The following TSC22D1 variants were observed in gnomAD, a reference collection of about 807,000 sequenced individuals.
TSC22D1 encodes TSC22 domain family protein 1.
TSC22D1 carries 9 observed loss-of-function variants against 74.2 expected under a neutral mutation model. The ratio of observed to expected loss-of-function variants is 0.12; its 90% confidence interval spans 0.07 to 0.21. The LOEUF (loss-of-function observed/expected upper bound fraction) is 0.21. Ranked by LOEUF, TSC22D1 falls within the 10% of genes least tolerant of loss-of-function variation. The pLI, the probability that TSC22D1 is intolerant of heterozygous loss-of-function variation, is 1.00. For synonymous variants in TSC22D1, 586 were observed against 492.5 expected, an observed-to-expected ratio of 1.19 and a Z score of -2.51; for missense variants, 1,427 against 1,304.7, an observed-to-expected ratio of 1.09 and a Z score of -1.44.
chr13:44,508,666 C>A (rs1879548109), intron 1 of TSC22D1, among the ~76,000 whole-genome samples: 1 of 152,112 alleles, frequency 6.6e-6, no homozygotes, highest in Non-Finnish European at 1.5e-5. Context: ...GCTCTATTCA[C>A]AGTATAATAG....
At chr13:44,531,245 T>C (rs1015752049) in intron 1 of TSC22D1, among the ~76,000 whole-genome samples, 1 of 152,194 alleles carries the variant, frequency 6.6e-6, no homozygotes, top group Non-Finnish European at 1.5e-5. Context: ...CACTTACTGG[T>C]CAACTATTCC....
At chr13:44,548,070 C>T (rs1472535913) in intron 1 of TSC22D1, among the ~76,000 whole-genome samples, 3 of 152,166 alleles carry the variant, frequency 2.0e-5, no homozygotes, top group African/African-American at 4.8e-5. Flanking sequence ...AACTAAAGCA[C>T]AAAGTGGTGA....
rs9595135 is a variant in TSC22D1 at position 44,485,905 on chromosome 13, G to T, written c.2913-49810C>A. ...GTAATTAGTGTTAAACTGTTGTAAG[G>T]CTTCTGTATTTTTTCAAGGGGGATG... On this transcript the variant is annotated intron_variant, in intron 1 of 2. Transcript: ENST00000458659. Among the ~76,000 whole-genome samples the T allele has an allele frequency of 1.1e-3, 172 of 151,838 alleles. 1 individual carries two copies. The highest frequency in any genetic ancestry group is 0.01 in the Middle Eastern group (3 of 294).
At chr13:44,480,568 G>A (rs1878130446) in intron 1 of TSC22D1, among the ~76,000 whole-genome samples, 2 of 152,146 alleles carry the variant, frequency 1.3e-5, no homozygotes, top group South Asian at 4.1e-4. Flanking sequence ...CAGGGTTTGG[G>A]CTTAAGGTAG....
chr13:44,567,630 A>G (rs1209121969), intron 1 of TSC22D1, among the ~76,000 whole-genome samples: 1 of 152,040 alleles, frequency 6.6e-6, no homozygotes, highest in East Asian at 1.9e-4. Context: ...TGGAATTTAA[A>G]TATGTGATAA....
At position 44,575,248 on chromosome 13, in the gene TSC22D1, G is replaced by T. The variant is rs750677064; in HGVS notation, c.827C>A (p.Pro276Gln). ...GSSDSITPVA[P>Q]TSAVSSSGSP... Reference sequence around the variant, plus strand: ...ACCACTGGATGATACAGCAGAAGTTGGTGCAACTGGTGTGATACTGTCAGA... The same window carrying T: ...ACCACTGGATGATACAGCAGAAGTTTGTGCAACTGGTGTGATACTGTCAGA... Residue 276 changes from proline to glutamine, a missense_variant, in exon 1 of 3, where the codon CCA becomes CAA. Physicochemically the swap from Pro to Gln is moderately conservative, Grantham distance 76 (BLOSUM62 -1). Coordinates refer to ENST00000458659, the MANE Select transcript of TSC22D1 (RefSeq NM_183422.4). 6.2e-7 allele frequency: 1 copy of T among 1,614,080 alleles called. No homozygotes were observed. Among genetic ancestry groups the T allele is most frequent in the East Asian group, 2.2e-5 (1 of 44,890 alleles).
intron 1 of TSC22D1, among the ~76,000 whole-genome samples, chr13:44,442,844 G>A (rs1875306133): frequency 6.7e-6 from 1 of 148,622 alleles, no homozygotes; most frequent in African/African-American, 2.5e-5. Context: ...AGGAGGCAGA[G>A]GTTGGAGTGA....
chr13:44,452,455 G>A (rs1876219367), intron 1 of TSC22D1: 1 of 152,186 alleles, frequency 6.6e-6, no homozygotes, highest in African/African-American at 2.4e-5. Flanking sequence ...CGAGGGTGAG[G>A]GCAATCATAT....
chr13:44,479,643 A>G (rs894949992), intron 1 of TSC22D1, among the ~76,000 whole-genome samples: 8 of 152,218 alleles, frequency 5.3e-5, no homozygotes, highest in African/African-American at 1.9e-4. Flanking sequence ...AGCATTCTCA[A>G]GAAGAGATAG....
At chr13:44,568,710 G>C (rs891769415) in intron 1 of TSC22D1, among the ~76,000 whole-genome samples, 1 of 152,014 alleles carries the variant, frequency 6.6e-6, no homozygotes, top group Non-Finnish European at 1.5e-5. Context: ...AGACTTACCA[G>C]ACATCTAAGG....
At position 44,544,866 on chromosome 13, in the gene TSC22D1, T is replaced by C. The variant is rs1337479473; in HGVS notation, c.2912+28297A>G. Among the ~76,000 whole-genome samples, 3 of 151,910 alleles carry C rather than the reference T, an allele frequency of 2.0e-5. No individual in the cohort carries two copies. In the East Asian group the frequency reaches 5.8e-4, roughly 29 times the overall value. ...CAAATGTGTTCATGCTCCACTGAGGTAGAAGATGAAGTAAAACAGATGAAA... is the reference window on the plus strand; with the variant it reads ...CAAATGTGTTCATGCTCCACTGAGGCAGAAGATGAAGTAAAACAGATGAAA... On this transcript the variant is annotated intron_variant, in intron 1 of 2. Transcript: ENST00000458659.
intron 1 of TSC22D1, among the ~76,000 whole-genome samples, chr13:44,491,569 A>G (rs956769947): frequency 1.1e-4 from 17 of 151,656 alleles, no homozygotes; most frequent in African/African-American, 4.1e-4. Context: ...AAAAAAAAAA[A>G]GAAAAAAGAA....
chr13:44,528,910 T>A (rs189907134), intron 1 of TSC22D1, among the ~76,000 whole-genome samples: 221 of 152,186 alleles, frequency 1.5e-3, no homozygotes, highest in African/African-American at 5.2e-3. Flanking sequence ...TTGAATAATC[T>A]ATCAAAATTC....
At chr13:44,450,830 T>C (rs1876068693) in intron 1 of TSC22D1, among the ~76,000 whole-genome samples, 1 of 152,198 alleles carries the variant, frequency 6.6e-6, no homozygotes, top group Non-Finnish European at 1.5e-5. Flanking sequence ...AGGTTAGCAG[T>C]AAGTCTCCTT....
At chr13:44,437,244 T>G in intron 1 of TSC22D1, 4 of 985,492 alleles carry the variant, frequency 4.1e-6, no homozygotes, top group Non-Finnish European at 4.8e-6. Context: ...AAGCTTCCTA[T>G]TTGTAACCCG....
rs1423013157 is a variant in TSC22D1 at position 44,576,260 on chromosome 13, G to A, written c.-186C>T. ...TTCGAGAGCGAGCTTCGGAAAGGAG[G>A]ATGAACGAGGGTGAACAGGGCGGCC... On this transcript the variant is annotated 5_prime_UTR_variant, in exon 1 of 3. Transcript: ENST00000458659. 5.8e-6 allele frequency: 5 copies of A among 860,406 alleles called. No homozygotes were observed. The highest frequency in any genetic ancestry group is 8.6e-6 in the Non-Finnish European group (5 of 581,058). 53.3% of individuals were successfully genotyped at this position (860,406 alleles called of 1,614,324 possible).
At chr13:44,533,095 A>C (rs532175346) in intron 1 of TSC22D1, among the ~76,000 whole-genome samples, 2 of 151,050 alleles carry the variant, frequency 1.3e-5, no homozygotes, top group South Asian at 4.2e-4. Flanking sequence ...AAGGGTGCTA[A>C]ACTAGAGAAT....
intron 1 of TSC22D1, among the ~76,000 whole-genome samples, chr13:44,492,079 G>A (rs1304732828): frequency 6.6e-6 from 1 of 152,132 alleles, no homozygotes; most frequent in Non-Finnish European, 1.5e-5. Context: ...TCACGTCTAA[G>A]TTTCATTCAT....
intron 1 of TSC22D1, among the ~76,000 whole-genome samples, chr13:44,509,648 T>G (rs1350756116): frequency 6.6e-6 from 1 of 152,002 alleles, no homozygotes; most frequent in Non-Finnish European, 1.5e-5. Context: ...CATTATTTTA[T>G]ACACTTAAAA....
Sources: allele counts gnomAD v4.1 joint callset (sites outside exome capture counted in the v4.1 genomes callset), GRCh38; gene constraint gnomAD v4.1.1; transcripts MANE v1.5; gene names NCBI Gene and HGNC (gene_info 2026-07-23, HGNC 2026-07-21).